COL4A6: variants seen among roughly 807,000 people sequenced by gnomAD.
COL4A6 encodes collagen alpha-6(IV) chain.
COL4A6 carries 59 observed loss-of-function variants against 126.7 expected under a neutral mutation model. That is an observed-to-expected ratio of 0.47 (90% CI 0.38 to 0.58). COL4A6 has a LOEUF of 0.58. Ranked by LOEUF, COL4A6 falls within the 20% of genes least tolerant of loss-of-function variation. The pLI is 0.00. For missense variants in COL4A6, 1,285 were observed against 1,337.3 expected (o/e 0.96, Z 0.61); for synonymous variants, 547 against 496.6 (o/e 1.10, Z -1.35).
At chrX:108,348,517 A>T (rs181007900) in intron 2 of COL4A6, among the ~76,000 whole-genome samples, 9 of 112,219 alleles carry the variant, frequency 8.0e-5, no homozygotes, top group African/African-American at 2.6e-4. Flanking sequence ...CCTAAAATAA[A>T]TATGTGTTCT....
In COL4A6 at chrX:108,310,328, C is replaced by T. The variant is rs143049762; in HGVS notation, c.144+420G>A. Among the ~76,000 whole-genome samples the T allele has an allele frequency of 1.1e-3, 123 of 112,020 alleles. 5 individuals are homozygous for T. The East Asian group carries it at 0.033, about 30-fold the overall frequency. On this transcript the variant is annotated intron_variant, in intron 3 of 44. Transcript: ENST00000334504. ...CTACCTTGTTCTCTTGAGTCTATCA[C>T]TAACAAGCAGGGTGATTTTGGACAA...
chrX:108,269,287 C>A, intron 3 of COL4A6: 1 of 259,778 alleles, frequency 3.8e-6, no homozygotes, highest in South Asian at 4.1e-5. Flanking sequence ...CAGTGCAGAT[C>A]AGCTGGAAAC....
At chrX:108,314,435 A>G (rs924664310) in intron 2 of COL4A6, among the ~76,000 whole-genome samples, 2 of 111,962 alleles carry the variant, frequency 1.8e-5, no homozygotes, top group Non-Finnish European at 3.8e-5. Context: ...TGACCACTTC[A>G]GCTTCGGTGA....
chrX:108,292,182 G>A (rs914345511), intron 3 of COL4A6, among the ~76,000 whole-genome samples: 7 of 111,688 alleles, frequency 6.3e-5, no homozygotes, highest in African/African-American at 2.0e-4. Flanking sequence ...AATTTTCTTC[G>A]AATATCACTT....
At chrX:108,351,115 C>A (rs183630941) in intron 2 of COL4A6, among the ~76,000 whole-genome samples, 3 of 111,559 alleles carry the variant, frequency 2.7e-5, no homozygotes, top group Non-Finnish European at 5.6e-5. Context: ...CACATCCTAG[C>A]GCCTGGACTT....
intron 8 of COL4A6, among the ~76,000 whole-genome samples, chrX:108,208,374 C>A (rs187557205): frequency 3.2e-4 from 36 of 112,199 alleles, no homozygotes; most frequent in African/African-American, 1.1e-3. Context: ...CCAGCAACAG[C>A]TGAATACATA....
At position 108,220,438 on chromosome X, in the gene COL4A6, G is replaced by C. The variant is rs780521119; in HGVS notation, c.280-696C>G. On this transcript the variant is annotated intron_variant, in intron 4 of 44. Coordinates refer to ENST00000334504, the MANE Select transcript of COL4A6 (RefSeq NM_033641.4). ...TCCCCATGATCCTAGTGAGGGAATC[G>C]TTCCCTCACCAACAGGGCGAATAGA... Among the ~76,000 whole-genome samples the C allele has an allele frequency of 7.2e-5, 8 of 111,819 alleles. 1 individual carries two copies. In the Admixed American group the frequency reaches 7.5e-4, roughly 11 times the overall value.
intron 3 of COL4A6, among the ~76,000 whole-genome samples, chrX:108,280,829 G>T (rs1192681886): frequency 9.0e-6 from 1 of 111,637 alleles, no homozygotes; most frequent in Non-Finnish European, 1.9e-5. Context: ...GGGATGCAAG[G>T]CTGGTTCAAC....
At chrX:108,396,718 G>T (rs2040973215) in intron 2 of COL4A6, among the ~76,000 whole-genome samples, 1 of 111,573 alleles carries the variant, frequency 9.0e-6, no homozygotes, top group South Asian at 3.8e-4. Context: ...ATAAAATGAT[G>T]TCATTCAGAA....
At chrX:108,345,846 C>T (rs148732194) in intron 2 of COL4A6, among the ~76,000 whole-genome samples, 1,938 of 111,657 alleles carry the variant, frequency 0.017, 25 homozygotes, top group Non-Finnish European at 0.026. Context: ...ATTAGAATCA[C>T]TTGGGGGAGC....
chrX:108,199,525 T>C (rs190254351), intron 13 of COL4A6, among the ~76,000 whole-genome samples: 158 of 111,862 alleles, frequency 1.4e-3, no homozygotes, highest in Admixed American at 2.3e-3. Flanking sequence ...AACATGCTGT[T>C]CCATGTAAAG....
chrX:108,383,472 T>C, intron 2 of COL4A6: 1 of 463,187 alleles, frequency 2.2e-6, no homozygotes, highest in Non-Finnish European at 4.0e-6. Flanking sequence ...GGGAGGTAGG[T>C]TACCCCAGAA....
chrX:108,369,831 A>G (rs754502324), intron 2 of COL4A6, among the ~76,000 whole-genome samples: 3 of 112,405 alleles, frequency 2.7e-5, no homozygotes, highest in African/African-American at 9.7e-5. Flanking sequence ...CTTTGTCACA[A>G]CTTCTCAACT....
At chrX:108,340,212 A>G (rs1436962427) in intron 2 of COL4A6, among the ~76,000 whole-genome samples, 3 of 111,791 alleles carry the variant, frequency 2.7e-5, no homozygotes, top group Non-Finnish European at 5.7e-5. Flanking sequence ...AATGCTCTAT[A>G]TCTGTGTGCT....
chrX:108,184,358 C>T (rs763657192), intron 23 of COL4A6, among the ~76,000 whole-genome samples: 1 of 112,249 alleles, frequency 8.9e-6, no homozygotes, highest in African/African-American at 3.2e-5. Flanking sequence ...TATGATTTGT[C>T]TCCACCAAAA....
intron 2 of COL4A6, among the ~76,000 whole-genome samples, chrX:108,344,869 G>T (rs1291542349): frequency 1.8e-5 from 2 of 111,803 alleles, no homozygotes; most frequent in East Asian, 2.8e-4. Flanking sequence ...TCAAATATTT[G>T]AGTGGATATG....
intron 2 of COL4A6, among the ~76,000 whole-genome samples, chrX:108,360,207 T>C (rs1447160174): frequency 8.9e-6 from 1 of 112,383 alleles, no homozygotes; most frequent in Non-Finnish European, 1.9e-5. Flanking sequence ...TCCTTTTCCA[T>C]TCTGTTCAAC....
chrX:108,286,575 A>G (rs186520980), intron 3 of COL4A6, among the ~76,000 whole-genome samples: 73 of 111,340 alleles, frequency 6.6e-4, no homozygotes, highest in African/African-American at 2.3e-3. Flanking sequence ...ATGTCATGAG[A>G]TATTTCTTTT....
intron 32 of COL4A6, among the ~76,000 whole-genome samples, chrX:108,172,216 G>A (rs2034326470): frequency 9.2e-6 from 1 of 109,206 alleles, no homozygotes; most frequent in African/African-American, 3.3e-5. Flanking sequence ...CGGGTGTGGT[G>A]GTTAATGCCT....
Sources: allele counts gnomAD v4.1 joint callset (sites outside exome capture counted in the v4.1 genomes callset), GRCh38; gene constraint gnomAD v4.1.1; transcripts MANE v1.5; gene names NCBI Gene and HGNC (gene_info 2026-07-23, HGNC 2026-07-21).